GALNT18: variants seen among roughly 807,000 people sequenced by gnomAD.
GALNT18 encodes polypeptide N-acetylgalactosaminyltransferase 18.
GALNT18 carries 44 observed loss-of-function variants against 69.5 expected under a neutral mutation model. That is an observed-to-expected ratio of 0.63 (90% CI 0.50 to 0.81). The LOEUF is 0.81. Among genes scored for constraint, GALNT18 ranks in the 40% least tolerant of loss-of-function variants. GALNT18 has a pLI of 0.00. For synonymous variants in GALNT18, 364 were observed against 318.2 expected (o/e 1.14, Z -1.53); for missense variants, 715 against 810.0 (o/e 0.88, Z 1.42).
Position 11,356,664 on chromosome 11 carries a change from A to G in GALNT18, c.1093-15660T>C, listed in dbSNP as rs1354108967. Among the ~76,000 whole-genome samples, 1 of 152,028 alleles carries G rather than the reference A, an allele frequency of 6.6e-6. No homozygotes were observed. The highest frequency in any genetic ancestry group is 2.4e-5 in the African/African-American group (1 of 41,372). ...AAATTTCCTTCAGGTTGACTCCCCA[A>G]ATCCTTCATCAATTGTTACCTCGTT... On this transcript the variant is annotated intron_variant, in intron 6 of 10. Transcript: ENST00000227756. The surrounding 1 kb of genome is among the most constrained non-coding windows in gnomAD (Gnocchi z 4.4).
At chr11:11,375,947 T>G (rs976765772) in intron 5 of GALNT18, among the ~76,000 whole-genome samples, 1 of 152,166 alleles carries the variant, frequency 6.6e-6, no homozygotes, top group African/African-American at 2.4e-5. Flanking sequence ...ATACCCTTTC[T>G]CCCTAATATA....
Position 11,461,684 on chromosome 11 carries a change from A to G in GALNT18, c.236-12748T>C, listed in dbSNP as rs1365403283. ...TTCCACACATCAATCTATTGGAATG[A>G]ACAAGCCGGACCAACCCTGCTAATG... On this transcript the variant is annotated intron_variant, in intron 1 of 10. Transcript: ENST00000227756. This position sits in a 1 kb window ranked among gnomAD's most constrained non-coding sequence, Gnocchi z 4.1. Among the ~76,000 whole-genome samples, 2 of 152,198 alleles carry G rather than the reference A, an allele frequency of 1.3e-5. No homozygotes were observed. The highest frequency in any genetic ancestry group is 4.8e-5 in the African/African-American group (2 of 41,448).
intron 1 of GALNT18, among the ~76,000 whole-genome samples, chr11:11,547,281 G>A (rs1757377227): frequency 6.6e-6 from 1 of 152,134 alleles, no homozygotes; most frequent in Non-Finnish European, 1.5e-5. Flanking sequence ...CCTGAAGGCT[G>A]GAGTGAAGGG....
At chr11:11,575,117 C>T (rs1858890301) in intron 1 of GALNT18, among the ~76,000 whole-genome samples, 1 of 152,144 alleles carries the variant, frequency 6.6e-6, no homozygotes. Flanking sequence ...AAGCTCATTA[C>T]CATGAACACA....
At chr11:11,392,487 C>T (rs867775405) in intron 3 of GALNT18, among the ~76,000 whole-genome samples, 4 of 152,110 alleles carry the variant, frequency 2.6e-5, no homozygotes, top group South Asian at 2.1e-4. Flanking sequence ...GGTGTGGTAG[C>T]GCATGCCTGT....
intron 10 of GALNT18, among the ~76,000 whole-genome samples, chr11:11,274,986 T>A (rs1009703949): frequency 6.6e-6 from 1 of 152,258 alleles, no homozygotes; most frequent in Non-Finnish European, 1.5e-5. Flanking sequence ...TTTGCTATTG[T>A]GAATACTGCC....
chr11:11,420,529 C>T (rs945964153), intron 3 of GALNT18, among the ~76,000 whole-genome samples: 5 of 152,292 alleles, frequency 3.3e-5, no homozygotes, highest in Middle Eastern at 6.8e-3. Flanking sequence ...TTCCATACTC[C>T]AAAGATTTAA....
chr11:11,476,785 A>C (rs183439884), intron 1 of GALNT18, among the ~76,000 whole-genome samples: 1 of 152,332 alleles, frequency 6.6e-6, no homozygotes, highest in East Asian at 1.9e-4. Flanking sequence ...CCCACATAAC[A>C]AGAAAGTTAA....
intron 6 of GALNT18, among the ~76,000 whole-genome samples, chr11:11,370,076 GA>G (rs35304812): frequency 0.31 from 47,039 of 149,664 alleles, 8,099 homozygotes; most frequent in African/African-American, 0.47. Flanking sequence ...GTATCTTATG[GA>G]AAAAAAAAAC....
In GALNT18 at chr11:11,339,183, C is replaced by T. The variant is rs1162827334; in HGVS notation, c.1278+1636G>A. 6.6e-6 allele frequency among the ~76,000 whole-genome samples: 1 copy of T among 152,146 alleles called. No individual in the cohort carries two copies. The highest frequency in any genetic ancestry group is 2.4e-5 in the African/African-American group (1 of 41,432). Reference sequence around the variant, plus strand: ...GAAACACACTGATCCTTTCCTTCTCCACCTAAGGCTTTATCCTGGGCAATT... The same window carrying T: ...GAAACACACTGATCCTTTCCTTCTCTACCTAAGGCTTTATCCTGGGCAATT... On this transcript the variant is annotated intron_variant, in intron 7 of 10. Coordinates refer to ENST00000227756, the MANE Select transcript of GALNT18 (RefSeq NM_198516.3). This position sits in a 1 kb window ranked among gnomAD's most constrained non-coding sequence, Gnocchi z 5.2.
In GALNT18 at chr11:11,586,059, G is replaced by A. The variant is rs1248483126; in HGVS notation, c.235+35300C>T. 3.3e-5 allele frequency among the ~76,000 whole-genome samples: 5 copies of A among 152,218 alleles called. No individual in the cohort carries two copies. In the South Asian group the frequency reaches 6.2e-4, roughly 19 times the overall value. On this transcript the variant is annotated intron_variant, in intron 1 of 10. Coordinates refer to ENST00000227756, the MANE Select transcript of GALNT18 (RefSeq NM_198516.3). This position sits in a 1 kb window ranked among gnomAD's most constrained non-coding sequence, Gnocchi z 4.1. ...CAAGAACGTGGTGGTCTGTGAACCC[G>A]GCAGTGGGCCCTTACCAAATGCTGA...
intron 1 of GALNT18, among the ~76,000 whole-genome samples, chr11:11,577,319 C>T (rs61870380): frequency 0.14 from 21,376 of 152,104 alleles, 1,919 homozygotes; most frequent in Non-Finnish European, 0.2. Context: ...CACTGAATTG[C>T]CCCAGGCCCC....
chr11:11,594,816 C>CATATATATAT (rs1206038267), intron 1 of GALNT18, among the ~76,000 whole-genome samples: 33 of 121,506 alleles, frequency 2.7e-4, no homozygotes, highest in African/African-American at 9.0e-4. Context: ...TTATCTTGGG[C>CATATATATAT]ATATATATAT....
At chr11:11,503,153 C>T (rs1857006774) in intron 1 of GALNT18, among the ~76,000 whole-genome samples, 1 of 152,164 alleles carries the variant, frequency 6.6e-6, no homozygotes, top group Non-Finnish European at 1.5e-5. Context: ...TACAAAGAAT[C>T]GTGAGTGGGG....
chr11:11,286,051 G>C (rs1849186296), intron 10 of GALNT18, among the ~76,000 whole-genome samples: 2 of 152,102 alleles, frequency 1.3e-5, no homozygotes, highest in African/African-American at 4.8e-5. Context: ...AAATGCATCA[G>C]CGCTGCTCTG....
intron 1 of GALNT18, among the ~76,000 whole-genome samples, chr11:11,578,045 G>A (rs1230450427): frequency 6.6e-6 from 1 of 152,134 alleles, no homozygotes; most frequent in Non-Finnish European, 1.5e-5. Flanking sequence ...CCAGAACTGC[G>A]AGAGGGAATG....
intron 1 of GALNT18, among the ~76,000 whole-genome samples, chr11:11,580,640 C>T (rs1305111512): frequency 6.6e-6 from 1 of 152,256 alleles, no homozygotes; most frequent in East Asian, 1.9e-4. Context: ...GCAGAACACC[C>T]AACCAATCTG....
intron 1 of GALNT18, among the ~76,000 whole-genome samples, chr11:11,487,623 C>G (rs1266981150): frequency 6.6e-6 from 1 of 152,160 alleles, no homozygotes; most frequent in Non-Finnish European, 1.5e-5. Context: ...CACAGGTTTT[C>G]CTCAGCAGCT....
At chr11:11,493,943 A>C (rs1856823877) in intron 1 of GALNT18, among the ~76,000 whole-genome samples, 1 of 152,218 alleles carries the variant, frequency 6.6e-6, no homozygotes, top group African/African-American at 2.4e-5. Context: ...ATAATGGTCC[A>C]GAACCTGGCT....
Sources: gnomAD v4.1 joint callset for allele counts (sites outside exome capture counted in the v4.1 genomes callset) on GRCh38, gnomAD v4.1.1 for gene constraint, Gnocchi (gnomAD v3.1) non-coding constraint, MANE v1.5 for transcripts, NCBI Gene and HGNC (gene_info 2026-07-23, HGNC 2026-07-21) for gene names.